CDH13: variants seen among roughly 807,000 people sequenced by gnomAD.
The protein encoded by CDH13 is cadherin-13.
A neutral mutation model predicts 63.8 loss-of-function variants in CDH13; 24 were observed. That is an observed-to-expected ratio of 0.38 (90% CI 0.27 to 0.53). The LOEUF is 0.53. Ranked by LOEUF, CDH13 falls within the 20% of genes least tolerant of loss-of-function variation. CDH13 has a pLI of 0.85. For missense variants in CDH13, 1,049 were observed against 903.1 expected (o/e 1.16, Z -2.07); for synonymous variants, 503 against 355.3 (o/e 1.42, Z -4.67).
rs897065768 is a variant in CDH13 at position 83,236,264 on chromosome 16, T to C, written c.636+18767T>C. On this transcript the variant is annotated intron_variant, in intron 5 of 13. Transcript: ENST00000567109. Reference sequence around the variant, plus strand: ...ACACACACACACACACACACACACATAGGTTTTGTGCTGTCTTGGGAGCAT... The same window carrying C: ...ACACACACACACACACACACACACACAGGTTTTGTGCTGTCTTGGGAGCAT... Among the ~76,000 whole-genome samples, 35 of 45,704 alleles carry C rather than the reference T, an allele frequency of 7.7e-4. No homozygotes were observed. In the South Asian group the frequency reaches 0.011, roughly 15 times the overall value. 30.0% of individuals were successfully genotyped at this position (45,704 alleles called of 152,430 possible).
At chr16:83,369,112 CT>C (rs2091314368) in intron 6 of CDH13, among the ~76,000 whole-genome samples, 1 of 151,148 alleles carries the variant, frequency 6.6e-6, no homozygotes, top group Non-Finnish European at 1.5e-5. Context: ...AACAGTAGGT[CT>C]ACTTTTAGTT....
chr16:83,151,167 C>T (rs183398905), intron 4 of CDH13, among the ~76,000 whole-genome samples: 110 of 152,228 alleles, frequency 7.2e-4, no homozygotes, highest in Non-Finnish European at 1.3e-3. Context: ...GAGCAAGGCA[C>T]GGAATATCCC....
At chr16:83,238,954 A>C (rs1904290404) in intron 5 of CDH13, among the ~76,000 whole-genome samples, 1 of 152,078 alleles carries the variant, frequency 6.6e-6, no homozygotes, top group African/African-American at 2.4e-5. Context: ...TTTTTAATGA[A>C]AATTTTGTCC....
At chr16:82,858,927 CTCTTAT>C (rs959031728) in intron 2 of CDH13, 2 of 169,618 alleles carry the variant, frequency 1.2e-5, no homozygotes, top group Admixed American at 6.2e-5. Flanking sequence ...ACATCAAAAA[CTCTTAT>C]TCTTAAGGCT....
intron 2 of CDH13, among the ~76,000 whole-genome samples, chr16:82,920,817 G>A (rs952684025): frequency 6.6e-6 from 1 of 152,172 alleles, no homozygotes; most frequent in African/African-American, 2.4e-5. Flanking sequence ...TAAGTGGAAA[G>A]TATTTCATCT....
At chr16:83,702,517 G>A (rs1906397576) in intron 10 of CDH13, among the ~76,000 whole-genome samples, 1 of 152,138 alleles carries the variant, frequency 6.6e-6, no homozygotes, top group African/African-American at 2.4e-5. Flanking sequence ...AGGCCCAGAA[G>A]TGACATTATC....
chr16:83,533,565 C>A (rs2075127348), intron 7 of CDH13, among the ~76,000 whole-genome samples: 1 of 151,910 alleles, frequency 6.6e-6, no homozygotes, highest in East Asian at 1.9e-4. Context: ...TGGCACGGCC[C>A]ACGGCTTCCT....
chr16:83,261,881 T>A (rs8046875), intron 5 of CDH13, among the ~76,000 whole-genome samples: 3 of 151,942 alleles, frequency 2.0e-5, no homozygotes, highest in Non-Finnish European at 4.4e-5. Context: ...GTGGGAGGAG[T>A]CACTCAAAGA....
intron 3 of CDH13, among the ~76,000 whole-genome samples, chr16:83,076,088 G>A (rs1190682043): frequency 6.6e-6 from 1 of 152,114 alleles, no homozygotes; most frequent in Non-Finnish European, 1.5e-5. Flanking sequence ...CATCCTGCCT[G>A]ATGAACATAA....
chr16:83,354,654 C>A (rs1427782680), intron 6 of CDH13, among the ~76,000 whole-genome samples: 1 of 152,138 alleles, frequency 6.6e-6, no homozygotes, highest in South Asian at 2.1e-4. Flanking sequence ...AAGGAGCCTA[C>A]CAAGTAAAGG....
At chr16:83,057,701 C>A (rs895311447) in intron 3 of CDH13, among the ~76,000 whole-genome samples, 1 of 151,996 alleles carries the variant, frequency 6.6e-6, no homozygotes, top group Non-Finnish European at 1.5e-5. Flanking sequence ...TCCCTTTGAC[C>A]TGAGCTGTCT....
At chr16:82,881,807 C>T (rs768245715) in intron 2 of CDH13, among the ~76,000 whole-genome samples, 15 of 152,048 alleles carry the variant, frequency 9.9e-5, no homozygotes, top group Admixed American at 2.0e-4. Context: ...TGTCCCCCTG[C>T]GATACGATAG....
intron 2 of CDH13, among the ~76,000 whole-genome samples, chr16:82,931,782 A>C (rs2042502892): frequency 6.6e-6 from 1 of 152,176 alleles, no homozygotes. Flanking sequence ...AGACTTATTT[A>C]CTACCAAGAG....
intron 2 of CDH13, among the ~76,000 whole-genome samples, chr16:82,973,421 C>T (rs377575330): frequency 6.6e-6 from 1 of 152,170 alleles, no homozygotes. Context: ...GACACCCGCT[C>T]CAGATGTCTT....
chr16:83,053,212 T>C (rs566159513), intron 3 of CDH13, among the ~76,000 whole-genome samples: 2 of 152,318 alleles, frequency 1.3e-5, no homozygotes, highest in South Asian at 4.1e-4. Flanking sequence ...ATGGTATTCA[T>C]TGTTAAAATG....
At chr16:83,610,507 A>C (rs2150762438) in intron 8 of CDH13, among the ~76,000 whole-genome samples, 1 of 152,266 alleles carries the variant, frequency 6.6e-6, no homozygotes, top group Non-Finnish European at 1.5e-5. Context: ...TGCTAGTCCC[A>C]CCACCTGCTC....
intron 10 of CDH13, among the ~76,000 whole-genome samples, chr16:83,713,394 G>C (rs1017726571): frequency 1.3e-5 from 2 of 152,028 alleles, no homozygotes; most frequent in African/African-American, 2.4e-5. Flanking sequence ...AGCCACACTG[G>C]TTTGTAATGA....
intron 2 of CDH13, among the ~76,000 whole-genome samples, chr16:82,960,726 G>C (rs1003993499): frequency 3.3e-5 from 5 of 152,056 alleles, no homozygotes; most frequent in Non-Finnish European, 7.4e-5. Context: ...GCTCATTTCT[G>C]ATATCTTCTA....
chr16:82,975,945 C>T (rs71402044), intron 2 of CDH13, among the ~76,000 whole-genome samples: 6,307 of 152,102 alleles, frequency 0.041, 141 homozygotes, highest in Admixed American at 0.052. Context: ...CCAGCACTTT[C>T]CAGGACTAAA....
Sources: allele counts gnomAD v4.1 joint callset (sites outside exome capture counted in the v4.1 genomes callset), GRCh38; gene constraint gnomAD v4.1.1; transcripts MANE v1.5; gene names NCBI Gene and HGNC (gene_info 2026-07-23, HGNC 2026-07-21).